Variants in ZNF292 observed in about 807,000 individuals in gnomAD.
ZNF292 encodes the protein zinc finger protein 292, also known as 16 zinc-finger domain protein.
In ZNF292, 26 loss-of-function variants were observed where a neutral mutation model predicts 217.9. The observed-to-expected ratio is 0.12, with a 90% confidence interval of 0.09 to 0.17. The LOEUF (loss-of-function observed/expected upper bound fraction) is 0.17, where lower values mean the gene tolerates loss of function less well. Ranked by LOEUF, ZNF292 falls within the 10% of genes least tolerant of loss-of-function variation. ZNF292 has a pLI of 1.00. For missense variants in ZNF292, 2,904 were observed against 3,175.2 expected (o/e 0.91, Z 2.05); for synonymous variants, 1,257 against 1,124.1 (o/e 1.12, Z -2.37).
In ZNF292 at chr6:87,259,188, A is replaced by G. The variant is rs1186329527; in HGVS notation, c.5559A>G (p.Leu1853=). ...AGAAATTAAAATTAGAAAATGACCT[A>G]TCCACTCCAGCATCCCAATGTGTAC... ...GLQKLKLEND[L]STPASQCVLI... is the part of the protein sequence containing the mutation. The change falls in exon 8 of 8, where the codon CTA becomes CTG. Residue 1853 remains leucine, a synonymous_variant. Coordinates refer to ENST00000369577, the MANE Select transcript of ZNF292 (RefSeq NM_015021.3). 4 of 1,613,678 alleles carry G rather than the reference A, an allele frequency of 2.5e-6. No homozygotes were observed. Among genetic ancestry groups the G allele is most frequent in the East Asian group, 2.2e-5 (1 of 44,866 alleles).
chr6:87,193,065 C>G (rs898787235), intron 1 of ZNF292, among the ~76,000 whole-genome samples: 1 of 152,198 alleles, frequency 6.6e-6, no homozygotes, highest in African/African-American at 2.4e-5. Flanking sequence ...ACTCGGCTCA[C>G]TGCAGCCTCC....
At chr6:87,207,144 G>A (rs1772281550) in intron 1 of ZNF292, among the ~76,000 whole-genome samples, 1 of 152,144 alleles carries the variant, frequency 6.6e-6, no homozygotes, top group Non-Finnish European at 1.5e-5. Context: ...CAGTTCATTT[G>A]GGTACAGTTG....
chr6:87,195,396 G>T (rs1049799457), intron 1 of ZNF292, among the ~76,000 whole-genome samples: 6 of 152,168 alleles, frequency 3.9e-5, no homozygotes, highest in African/African-American at 1.4e-4. Flanking sequence ...TTAATAAGAG[G>T]ATTTGGTATC....
At chr6:87,194,958 A>T (rs576049316) in intron 1 of ZNF292, among the ~76,000 whole-genome samples, 1 of 152,020 alleles carries the variant, frequency 6.6e-6, no homozygotes, top group Non-Finnish European at 1.5e-5. Flanking sequence ...TATTCAGTAG[A>T]TGCTACAAAT....
chr6:87,204,919 C>T lies in ZNF292; in HGVS notation c.169-10984C>T, dbSNP rs540281379. Among the ~76,000 whole-genome samples the T allele has an allele frequency of 2.0e-5, 3 of 151,944 alleles. No individual in the cohort carries two copies. The East Asian group carries it at 5.8e-4, about 29-fold the overall frequency. ...TCTGAGATTGGCCTGTGATTTTTTT[C>T]CTTTCTCATACCGTATGTACCCAGT... On this transcript the variant is annotated intron_variant, in intron 1 of 7. Transcript: ENST00000369577.
rs1323258199 is a variant in ZNF292 at position 87,229,762 on chromosome 6, A to C, written c.539-3563A>C. Among the ~76,000 whole-genome samples the C allele has an allele frequency of 1.5e-4, 23 of 152,222 alleles. 1 individual carries two copies. The highest frequency in any genetic ancestry group is 5.9e-5 in the Non-Finnish European group (4 of 68,034). Reference sequence around the variant, plus strand: ...TTATTTCTAAGAGAGAATACAAATTAAGTATTTTTAAAAAGGATAAGTGAT... The same window carrying C: ...TTATTTCTAAGAGAGAATACAAATTCAGTATTTTTAAAAAGGATAAGTGAT... On this transcript the variant is annotated intron_variant, in intron 4 of 7. Coordinates refer to ENST00000369577, the MANE Select transcript of ZNF292 (RefSeq NM_015021.3).
intron 4 of ZNF292, among the ~76,000 whole-genome samples, chr6:87,221,540 G>T (rs978764329): frequency 1.3e-5 from 2 of 152,160 alleles, no homozygotes; most frequent in African/African-American, 4.8e-5. Flanking sequence ...TGGACCTGGT[G>T]CTGCCTCTAA....
At position 87,253,750 on chromosome 6, in the gene ZNF292, AG is replaced by A. The variant is rs368686521; in HGVS notation, c.1021-899del. Among the ~76,000 whole-genome samples, 196 of 152,204 alleles carry A rather than the reference AG, an allele frequency of 1.3e-3. 1 individual carries two copies. In the Middle Eastern group the frequency reaches 0.014, roughly 11 times the overall value. ...ACTTAATGAAAATAGAGGCCCTATC[AG>A]TTCTCTCTACTTATTTTCTTTGTTG... On this transcript the variant is annotated intron_variant, in intron 7 of 7. Coordinates refer to ENST00000369577, the MANE Select transcript of ZNF292 (RefSeq NM_015021.3).
chr6:87,156,839 C>A (rs1194049366), intron 1 of ZNF292, among the ~76,000 whole-genome samples: 2 of 152,230 alleles, frequency 1.3e-5, no homozygotes, highest in East Asian at 3.8e-4. Flanking sequence ...ACGAGCCTTA[C>A]ACTTAGGTTT....
At chr6:87,233,279 AATT>A (rs1321881499) in intron 4 of ZNF292, 43 bp from the exon 5 acceptor site, 3 of 1,372,050 alleles carry the variant, frequency 2.2e-6, no homozygotes, top group African/African-American at 2.9e-5. Flanking sequence ...ATTGCAAATG[AATT>A]ATTACCAAAT....
chr6:87,215,938 A>C lies in ZNF292; in HGVS notation c.204A>C (p.Ser68=), dbSNP rs1236542346. ...LLEYAEKWKT[S]EDPLPLLEVY... is the part of the protein sequence containing the mutation. ...AATATGCAGAGAAATGGAAAACTTC[A>C]GAAGATCCTTTACCTTTATTGGAGG... The change falls in exon 2 of 8, where the codon TCA becomes TCC. Residue 68 remains serine (S), a synonymous_variant. Coordinates refer to ENST00000369577, the MANE Select transcript of ZNF292 (RefSeq NM_015021.3). 2.5e-6 allele frequency: 4 copies of C among 1,601,386 alleles called. No homozygotes were observed.
At position 87,259,026 on chromosome 6, in the gene ZNF292, C is replaced by T. The variant is rs1451836447; in HGVS notation, c.5397C>T (p.Asn1799=). Residue 1799 remains asparagine, a synonymous_variant, in exon 8 of 8, where the codon AAC becomes AAT. Coordinates refer to ENST00000369577, the MANE Select transcript of ZNF292 (RefSeq NM_015021.3). ...INYNIQLPSV[N]TVQNNKLPDS... is the part of the protein sequence containing the mutation. ...ATAACATTCAGCTTCCTTCAGTAAA[C>T]ACTGTGCAAAATAACAAATTACCCG... is the stretch of plus-strand genomic sequence containing the variant. 1.9e-6 allele frequency: 3 copies of T among 1,613,556 alleles called. No homozygotes were observed. The highest frequency in any genetic ancestry group is 3.3e-5 in the Admixed American group (2 of 59,898).
chr6:87,243,686 A>G (rs1774427888), intron 6 of ZNF292, 75 bp downstream of exon 6: 1 of 1,263,598 alleles, frequency 7.9e-7, no homozygotes, highest in Non-Finnish European at 1.0e-6. Context: ...AATTCATATA[A>G]CTTAGGAACA....
At chr6:87,216,204 T>C in intron 2 of ZNF292, 95 bp from the exon 3 acceptor site, 1 of 1,317,524 alleles carries the variant, frequency 7.6e-7, no homozygotes, top group African/African-American at 1.5e-5. Context: ...AGATTAGTTA[T>C]GGGGAGTCTG....
intron 4 of ZNF292, among the ~76,000 whole-genome samples, chr6:87,231,555 G>T (rs977526226): frequency 1.3e-5 from 2 of 152,108 alleles, no homozygotes; most frequent in African/African-American, 4.8e-5. Flanking sequence ...CCCTAAGTGT[G>T]GCAGTGGTTT....
chr6:87,175,500 T>A (rs1016645200), intron 1 of ZNF292, among the ~76,000 whole-genome samples: 1 of 152,144 alleles, frequency 6.6e-6, no homozygotes, highest in Non-Finnish European at 1.5e-5. Flanking sequence ...CATGCCTGGC[T>A]AATTTTTAAG....
intron 1 of ZNF292, among the ~76,000 whole-genome samples, chr6:87,163,142 A>T (rs940472460): frequency 6.6e-6 from 1 of 152,144 alleles, no homozygotes; most frequent in African/African-American, 2.4e-5. Context: ...AGCTAAGAAG[A>T]TTTGTTAAAA....
chr6:87,227,514 C>T (rs796609800), intron 4 of ZNF292, among the ~76,000 whole-genome samples: 23 of 152,116 alleles, frequency 1.5e-4, no homozygotes, highest in African/African-American at 5.5e-4. Context: ...CAAATACATT[C>T]ACATTGTTGT....
In ZNF292 at chr6:87,228,519, A is replaced by AC. The variant is rs576096279; in HGVS notation, c.539-4806_539-4805insC. Among the ~76,000 whole-genome samples the AC allele has an allele frequency of 1.2e-3, 185 of 152,260 alleles. 1 individual carries two copies. Among genetic ancestry groups the AC allele is most frequent in the African/African-American group, 4.1e-3 (172 of 41,546 alleles). On this transcript the variant is annotated intron_variant, in intron 4 of 7. Transcript: ENST00000369577. ...AAATCATTGCCAGTCTATTGTCATA[A>AC]AGCTTTTCTCTATGGTTTCTTCTAC...
Sources: allele counts gnomAD v4.1 joint callset (sites outside exome capture counted in the v4.1 genomes callset), GRCh38; gene constraint gnomAD v4.1.1; transcripts MANE v1.5; gene names NCBI Gene and HGNC (gene_info 2026-07-23, HGNC 2026-07-21).